RBPMS: variants seen among roughly 807,000 people sequenced by gnomAD.
The protein encoded by RBPMS is RNA-binding protein with multiple splicing.
Under a neutral mutation model 26.8 loss-of-function variants are expected in RBPMS, and 7 were observed. The ratio of observed to expected loss-of-function variants is 0.26; its 90% CI spans 0.15 to 0.49. The LOEUF is 0.49. Ranked by LOEUF, RBPMS falls within the 20% of genes least tolerant of loss-of-function variation. The probability of loss-of-function intolerance (pLI) is 0.98; values close to 1 mark genes in which losing one functional copy is unlikely to be tolerated. For missense variants in RBPMS, 186 were observed against 250.0 expected (o/e 0.74, Z 1.73); for synonymous variants, 96 against 93.3 (o/e 1.03, Z -0.17).
intron 5 of RBPMS, among the ~76,000 whole-genome samples, chr8:30,535,571 A>C (rs753503156): frequency 6.6e-6 from 1 of 152,156 alleles, no homozygotes; most frequent in African/African-American, 2.4e-5. Context: ...TTATCAAAGA[A>C]ATCTACATTA....
At chr8:30,422,488 C>T (rs952887113) in intron 1 of RBPMS, among the ~76,000 whole-genome samples, 7 of 152,034 alleles carry the variant, frequency 4.6e-5, no homozygotes, top group Admixed American at 1.3e-4. Flanking sequence ...AGGCTCGTCT[C>T]GAACTCCTGG....
chr8:30,443,736 A>C (rs1263077129), intron 1 of RBPMS, among the ~76,000 whole-genome samples: 2 of 152,020 alleles, frequency 1.3e-5, no homozygotes, highest in East Asian at 3.9e-4. Flanking sequence ...CTGGGACTAC[A>C]GGCGTGCACC....
At chr8:30,471,319 T>G (rs891848782) in intron 1 of RBPMS, among the ~76,000 whole-genome samples, 1 of 152,242 alleles carries the variant, frequency 6.6e-6, no homozygotes, top group Non-Finnish European at 1.5e-5. Context: ...TAGTTTATAT[T>G]AAGTAACCTT....
At chr8:30,484,677 AAG>A (rs1818608908) in intron 4 of RBPMS, among the ~76,000 whole-genome samples, 1 of 152,206 alleles carries the variant, frequency 6.6e-6, no homozygotes, top group East Asian at 1.9e-4. Flanking sequence ...ATTTGCAGTT[AAG>A]AGAGAATTTT....
intron 5 of RBPMS, among the ~76,000 whole-genome samples, chr8:30,526,527 GCAATTTTATTTTA>G (rs1563411628): frequency 6.6e-6 from 1 of 152,104 alleles, no homozygotes; most frequent in Non-Finnish European, 1.5e-5. Flanking sequence ...TTTTCTAACC[GCAATTTTATTTTA>G]CTGAAGGCTG....
At chr8:30,516,388 C>CA (rs1386946352) in intron 5 of RBPMS, among the ~76,000 whole-genome samples, 1 of 140,898 alleles carries the variant, frequency 7.1e-6, no homozygotes, top group Non-Finnish European at 1.6e-5. Context: ...AACTGTATCT[C>CA]AAAAAAGAAA....
rs538460302 is a variant in RBPMS, at chr8:30,479,866, T to C, written c.246+489T>C. On this transcript the variant is annotated intron_variant, in intron 4 of 8. Transcript: ENST00000397323. ...TTCTGGTTGATTAAAAATTTACATA[T>C]AAGGCTTTCCCAAAAGACGTGTGTT... 3.9e-5 allele frequency among the ~76,000 whole-genome samples: 6 copies of C among 152,040 alleles called. No individual in the cohort carries two copies. In the South Asian group the frequency reaches 1.2e-3, roughly 32 times the overall value.
At chr8:30,545,103 A>C (rs142432465) in intron 6 of RBPMS, 1 of 1,351,448 alleles carries the variant, frequency 7.4e-7, no homozygotes, top group African/African-American at 1.5e-5. Flanking sequence ...CCAGGGGGGA[A>C]GGCTGTACTT....
intron 1 of RBPMS, among the ~76,000 whole-genome samples, chr8:30,435,388 C>T (rs1480549037): frequency 6.6e-6 from 1 of 152,194 alleles, no homozygotes; most frequent in Non-Finnish European, 1.5e-5. Flanking sequence ...GCTCAACCTA[C>T]ACTACTTGTG....
intron 5 of RBPMS, among the ~76,000 whole-genome samples, chr8:30,511,721 G>C (rs549720804): frequency 1.3e-5 from 2 of 150,740 alleles, no homozygotes; most frequent in South Asian, 4.2e-4. Flanking sequence ...CTACTCAGGA[G>C]GCTGAAGCAT....
chr8:30,450,123 C>A (rs1814383296), intron 1 of RBPMS, among the ~76,000 whole-genome samples: 1 of 152,264 alleles, frequency 6.6e-6, no homozygotes, highest in South Asian at 2.1e-4. Flanking sequence ...AATAACTTTC[C>A]TCTTAAAGTG....
At chr8:30,557,840 C>T (rs376028185) in intron 6 of RBPMS, among the ~76,000 whole-genome samples, 9 of 152,236 alleles carry the variant, frequency 5.9e-5, no homozygotes, top group Admixed American at 6.5e-5. Flanking sequence ...TAAAGACAAA[C>T]GGCGCTTGCC....
At chr8:30,538,566 C>G (rs1825054396) in intron 5 of RBPMS, among the ~76,000 whole-genome samples, 1 of 152,174 alleles carries the variant, frequency 6.6e-6, no homozygotes, top group South Asian at 2.1e-4. Flanking sequence ...ACAATCTTTT[C>G]ATTAGCTTCT....
At chr8:30,463,551 T>C (rs1816181376) in intron 1 of RBPMS, among the ~76,000 whole-genome samples, 2 of 152,248 alleles carry the variant, frequency 1.3e-5, no homozygotes, top group African/African-American at 4.8e-5. Flanking sequence ...CAGAATACCT[T>C]TTTTGATGCA....
intron 1 of RBPMS, among the ~76,000 whole-genome samples, chr8:30,461,540 G>C (rs1008007785): frequency 2.0e-5 from 3 of 152,160 alleles, no homozygotes; most frequent in Non-Finnish European, 2.9e-5. Context: ...AACTACAGGC[G>C]CGTGCCACCA....
At chr8:30,458,757 G>T (rs1782693676) in intron 1 of RBPMS, among the ~76,000 whole-genome samples, 1 of 152,070 alleles carries the variant, frequency 6.6e-6, no homozygotes, top group East Asian at 1.9e-4. Flanking sequence ...TGTCACTCAG[G>T]CTGGAGTGCA....
intron 4 of RBPMS, among the ~76,000 whole-genome samples, chr8:30,492,267 G>A (rs1251338921): frequency 6.6e-6 from 1 of 152,124 alleles, no homozygotes; most frequent in Non-Finnish European, 1.5e-5. Context: ...TTATCTTTGA[G>A]TGCATAAAGC....
intron 5 of RBPMS, among the ~76,000 whole-genome samples, chr8:30,512,629 A>T (rs1373470772): frequency 6.7e-6 from 1 of 148,718 alleles, no homozygotes; most frequent in South Asian, 2.1e-4. Context: ...TGGCTAGTTT[A>T]AAAAAAAAAA....
intron 1 of RBPMS, among the ~76,000 whole-genome samples, chr8:30,468,327 G>A (rs1030661502): frequency 6.6e-6 from 1 of 151,534 alleles, no homozygotes; most frequent in Non-Finnish European, 1.5e-5. Context: ...AATTTTTTTT[G>A]CACTTTCTCT....
Sources: allele counts gnomAD v4.1 joint callset (sites outside exome capture counted in the v4.1 genomes callset), GRCh38; gene constraint gnomAD v4.1.1; transcripts MANE v1.5; gene names NCBI Gene and HGNC (gene_info 2026-07-23, HGNC 2026-07-21).